Variants in ZNF473 observed in about 807,000 individuals in gnomAD.
ZNF473 encodes the protein zinc finger protein 100 homolog.
A neutral mutation model predicts 11.1 loss-of-function variants in ZNF473; 4 were observed. That is an observed-to-expected ratio of 0.36 (90% CI 0.18 to 0.82). The LOEUF is 0.82. ZNF473 is among the 40% of genes least tolerant of loss of function. The pLI is 0.49. For missense variants in ZNF473, 854 were observed against 1,084.0 expected (o/e 0.79, Z 2.98); for synonymous variants, 404 against 390.4 (o/e 1.03, Z -0.41).
At chr19:50,037,433 T>A (rs1034837770) in intron 2 of ZNF473, among the ~76,000 whole-genome samples, 22 of 152,292 alleles carry the variant, frequency 1.4e-4, no homozygotes, top group African/African-American at 5.1e-4. Flanking sequence ...AAGAGACACA[T>A]CAGTCATGGT....
At chr19:50,035,049 T>G (rs1381155318) in intron 2 of ZNF473, among the ~76,000 whole-genome samples, 2 of 152,174 alleles carry the variant, frequency 1.3e-5, no homozygotes, top group African/African-American at 4.8e-5. Context: ...CCCAGAACTT[T>G]GGAAGGCTGA....
intron 2 of ZNF473, among the ~76,000 whole-genome samples, chr19:50,033,004 A>G (rs534613840): frequency 3.3e-5 from 5 of 152,144 alleles, no homozygotes; most frequent in Admixed American, 2.6e-4. Context: ...CAGCTTGATC[A>G]CCTCTGTAAA....
At position 50,048,127 on chromosome 19, in the gene ZNF473, TGTTA is replaced by T. The variant is rs538025260; in HGVS notation, c.*1072_*1075del. 2 of 152,234 alleles carry T rather than the reference TGTTA, an allele frequency of 1.3e-5. No individual in the cohort carries two copies. The highest frequency in any genetic ancestry group is 2.9e-5 in the Non-Finnish European group (2 of 68,046). The allele number at this position is 152,234 out of a possible 1,614,324, so 9.4% of individuals were successfully genotyped here. A position where few individuals can be genotyped will look rare whatever the true frequency, so the allele number is the denominator to read the frequency against. On this transcript the variant is annotated 3_prime_UTR_variant, in exon 5 of 5. Coordinates refer to ENST00000270617, the MANE Select transcript of ZNF473 (RefSeq NM_015428.4). ...TGAACCCATTTTCATCGACGATTGC[TGTTA>T]GTTGACAAGTGACATCTTGAAAATG...
chr19:50,041,835 G>T lies in ZNF473; in HGVS notation c.226+16G>T. 1 of 1,599,022 alleles carries T rather than the reference G, an allele frequency of 6.3e-7. No individual in the cohort carries two copies. The highest frequency in any genetic ancestry group is 1.1e-5 in the South Asian group (1 of 89,564). ...ACAAGCCCTGGTGAGTGGATGGAGA[G>T]GGGCCCCTTGTGTACCTTCTGTCTT... is the stretch of plus-strand genomic sequence containing the variant. On this transcript the variant is annotated intron_variant, in intron 4 of 4. Transcript: ENST00000270617.
In ZNF473 at chr19:50,031,170, T is replaced by C. The variant is rs754446439; in HGVS notation, c.9+79T>C. On this transcript the variant is annotated intron_variant, in intron 2 of 4. Transcript: ENST00000270617. ...GGCCTTCCTTTGTGGCCGAGGCGAGTTGAAGGTCGCTCTGTGTTGATTGGT... is the reference window on the plus strand; with the variant it reads ...GGCCTTCCTTTGTGGCCGAGGCGAGCTGAAGGTCGCTCTGTGTTGATTGGT... The C allele has an allele frequency of 1.2e-5, 18 of 1,540,298 alleles. No individual in the cohort carries two copies. In the African/African-American group the frequency reaches 1.2e-4, roughly 11 times the overall value.
intron 1 of ZNF473, among the ~76,000 whole-genome samples, chr19:50,029,952 A>G (rs1423773834): frequency 6.6e-6 from 1 of 151,922 alleles, no homozygotes; most frequent in African/African-American, 2.4e-5. Context: ...CCCGGGTTCA[A>G]GTGATTCTTT....
intron 1 of ZNF473, among the ~76,000 whole-genome samples, chr19:50,027,386 A>T (rs561314253): frequency 6.6e-6 from 1 of 152,288 alleles, no homozygotes; most frequent in East Asian, 1.9e-4. Flanking sequence ...ACATGTGGAA[A>T]CTAAGGCTTA....
chr19:50,038,752 T>C (rs1978609370), intron 2 of ZNF473, among the ~76,000 whole-genome samples: 1 of 152,242 alleles, frequency 6.6e-6, no homozygotes, highest in Non-Finnish European at 1.5e-5. Context: ...CTGTTCATAC[T>C]GAAGTATTCA....
chr19:50,035,768 CT>C (rs1343442363), intron 2 of ZNF473, among the ~76,000 whole-genome samples: 1 of 152,064 alleles, frequency 6.6e-6, no homozygotes, highest in Non-Finnish European at 1.5e-5. Flanking sequence ...AAGAGGCAGG[CT>C]GAGCATTAGA....
chr19:50,035,698 C>A (rs1479891403), intron 2 of ZNF473, among the ~76,000 whole-genome samples: 1 of 152,100 alleles, frequency 6.6e-6, no homozygotes, highest in Non-Finnish European at 1.5e-5. Flanking sequence ...TGAGTTGGGT[C>A]TCTGCTGAGC....
chr19:50,045,866 A>C lies in ZNF473; in HGVS notation c.1423A>C (p.Met475Leu). 1 of 1,614,124 alleles carries C rather than the reference A, an allele frequency of 6.2e-7. No homozygotes were observed. Among genetic ancestry groups the C allele is most frequent in the Non-Finnish European group, 8.5e-7 (1 of 1,180,032 alleles). ...VRSFSRPSHLMRHQAIHTAEK... is the reference protein window; with the variant it reads ...VRSFSRPSHLLRHQAIHTAEK... ...GAGTTTCAGCCGGCCCTCACATCTG[A>C]TGCGACATCAGGCCATTCACACCGC... Residue 475 changes from methionine to leucine, a missense_variant, in exon 5 of 5, where the codon ATG (methionine) becomes CTG (leucine). Physicochemically the swap from Met to Leu is conservative, Grantham distance 15. Transcript: ENST00000270617.
chr19:50,045,599 C>T lies in ZNF473; in HGVS notation c.1156C>T (p.His386Tyr), dbSNP rs746847070. The T allele has an allele frequency of 3.1e-6, 5 of 1,614,004 alleles. No homozygotes were observed. The African/African-American group carries it at 5.3e-5, about 17-fold the overall frequency. Residue 386 changes from histidine (H) to tyrosine (Y), a missense_variant, in exon 5 of 5, where the codon CAC becomes TAC. Transcript: ENST00000270617. ...ECQECGKIFR[H>Y]SSLLIEHQAL... The stretch of plus-strand genomic sequence containing the variant: ...TCAGGAGTGTGGGAAGATTTTTAGG[C>T]ACAGTTCGCTGCTCATTGAACACCA...
chr19:50,046,070 G>A lies in ZNF473; in HGVS notation c.1627G>A (p.Gly543Arg). The change falls in exon 5 of 5, where the codon GGA (glycine) becomes AGA (arginine). Residue 543 changes from glycine (G) to arginine (R), a missense_variant. By Grantham distance (125) the Gly-to-Arg change is moderately radical (BLOSUM62 -2). Transcript: ENST00000270617. The surrounding 1 kb of genome is among the most constrained non-coding windows in gnomAD (Gnocchi z 5.9). The stretch of plus-strand genomic sequence containing the variant: ...GAGTGTTCACGCCAGAGAAAAACAA[G>A]GATTTTTTGTGAGTGGGAAGATCTT... ...HESVHAREKQ[G>R]FFVSGKILDQ... is the part of the protein sequence containing the mutation. 1 of 1,614,188 alleles carries A rather than the reference G, an allele frequency of 6.2e-7. No homozygotes were observed. The highest frequency in any genetic ancestry group is 1.6e-4 in the Middle Eastern group (1 of 6,062).
At chr19:50,041,137 A>C (rs1341153597) in intron 3 of ZNF473, 1 of 152,298 alleles carries the variant, frequency 6.6e-6, no homozygotes, top group African/African-American at 2.4e-5. Context: ...TGGAGGCTCC[A>C]GCACGTAGAT....
At chr19:50,041,707 A>T (rs772396500) in intron 3 of ZNF473, 23 bp from the exon 4 acceptor site, 11 of 1,585,640 alleles carry the variant, frequency 6.9e-6, no homozygotes, top group Non-Finnish European at 9.4e-6. Context: ...TGGTTGGGTG[A>T]CAATGCTTTT....
rs969509556 is a variant in ZNF473, at chr19:50,031,185, T to G, written c.9+94T>G. 1.3e-5 allele frequency: 19 copies of G among 1,502,262 alleles called. No homozygotes were observed. The Admixed American group carries it at 2.9e-4, about 23-fold the overall frequency. 93.1% of individuals were successfully genotyped at this position (1,502,262 alleles called of 1,614,324 possible). ...CCGAGGCGAGTTGAAGGTCGCTCTG[T>G]GTTGATTGGTCACCCCCATGGCAGG... On this transcript the variant is annotated intron_variant, in intron 2 of 4. Coordinates refer to ENST00000270617, the MANE Select transcript of ZNF473 (RefSeq NM_015428.4).
chr19:50,046,128 T>G lies in ZNF473; in HGVS notation c.1685T>G (p.Phe562Cys). ...AACCCAGAACAGAAAGAGAAGTGCTTTAAGTGTAACAAATGTGAGAAAACC... is the reference window on the plus strand; with the variant it reads ...AACCCAGAACAGAAAGAGAAGTGCTGTAAGTGTAACAAATGTGAGAAAACC... ...DQNPEQKEKC[F>C]KCNKCEKTFS... The change falls in exon 5 of 5, where the codon TTT becomes TGT. Residue 562 changes from phenylalanine to cysteine, a missense_variant. By Grantham distance (205) the Phe-to-Cys change is radical. Around this residue, in one of 2 missense-constraint regions of ZNF473, gnomAD observed 668 missense variants for 790.2 expected, o/e 0.85. Coordinates refer to ENST00000270617, the MANE Select transcript of ZNF473 (RefSeq NM_015428.4). The surrounding 1 kb of genome is among the most constrained non-coding windows in gnomAD (Gnocchi z 5.9). 1 of 1,614,128 alleles carries G rather than the reference T, an allele frequency of 6.2e-7. No individual in the cohort carries two copies. The highest frequency in any genetic ancestry group is 8.5e-7 in the Non-Finnish European group (1 of 1,180,012).
At position 50,039,689 on chromosome 19, in the gene ZNF473, C is replaced by T. The variant is rs1423461841; in HGVS notation, c.136+402C>T. ...TAGTCAGTCATTCTTCAAGCTGATACTTCAAAGTCTTCCAGTTGCCCTCCC... is the reference window on the plus strand; with the variant it reads ...TAGTCAGTCATTCTTCAAGCTGATATTTCAAAGTCTTCCAGTTGCCCTCCC... On this transcript the variant is annotated intron_variant, in intron 3 of 4. Coordinates refer to ENST00000270617, the MANE Select transcript of ZNF473 (RefSeq NM_015428.4). This position sits in a 1 kb window ranked among gnomAD's most constrained non-coding sequence, Gnocchi z 4.8. 6.6e-6 allele frequency among the ~76,000 whole-genome samples: 1 copy of T among 152,252 alleles called. No homozygotes were observed. The highest frequency in any genetic ancestry group is 2.4e-5 in the African/African-American group (1 of 41,470).
chr19:50,042,187 C>G (rs1568409258), intron 4 of ZNF473: 1 of 158,036 alleles, frequency 6.3e-6, no homozygotes, highest in Admixed American at 6.5e-5. Flanking sequence ...CTTCTTTTAC[C>G]TCCTTTCCTT....
Sources: allele counts gnomAD v4.1 joint callset (sites outside exome capture counted in the v4.1 genomes callset), GRCh38; gene constraint gnomAD v4.1.1; regional missense constraint gnomAD v4.1.1; non-coding constraint Gnocchi (gnomAD v3.1); transcripts MANE v1.5; gene names NCBI Gene and HGNC (gene_info 2026-07-23, HGNC 2026-07-21).